Variants in SHANK2 observed in about 807,000 individuals in gnomAD.
The protein encoded by SHANK2 is SH3 and multiple ankyrin repeat domains protein 2.
Under a neutral mutation model 133.7 loss-of-function variants are expected in SHANK2, and 43 were observed. That is an observed-to-expected ratio of 0.32 (90% confidence interval 0.25 to 0.41). The LOEUF is 0.41. Ranked by LOEUF, SHANK2 falls within the 10% of genes least tolerant of loss-of-function variation. SHANK2 has a pLI of 1.00. For synonymous variants in SHANK2, 1,017 were observed against 952.8 expected (o/e 1.07, Z -1.24); for missense variants, 1,994 against 2,235.8 (o/e 0.89, Z 2.18).
At chr11:70,802,820 G>A (rs1181862118) in intron 13 of SHANK2, among the ~76,000 whole-genome samples, 3 of 152,194 alleles carry the variant, frequency 2.0e-5, no homozygotes, top group Non-Finnish European at 4.4e-5. Context: ...CATGGGCTTA[G>A]TTTTTTGCTT....
intron 17 of SHANK2, among the ~76,000 whole-genome samples, chr11:70,649,456 C>A (rs1032663247): frequency 6.6e-6 from 1 of 152,324 alleles, no homozygotes; most frequent in Admixed American, 6.5e-5. Context: ...ATTCCCAGGG[C>A]TGACAAACTC....
intron 17 of SHANK2, among the ~76,000 whole-genome samples, chr11:70,550,201 T>C (rs1392120929): frequency 6.6e-6 from 1 of 152,158 alleles, no homozygotes; most frequent in East Asian, 1.9e-4. Context: ...CCAGGTGTTC[T>C]GCTGCAGACC....
At chr11:70,582,074 C>T (rs1043932262) in intron 17 of SHANK2, among the ~76,000 whole-genome samples, 5 of 152,194 alleles carry the variant, frequency 3.3e-5, no homozygotes, top group Admixed American at 1.3e-4. Context: ...CTTTCCCTGC[C>T]GAAGAGCTGA....
Position 71,189,596 on chromosome 11 carries a change from C to T in SHANK2, c.-13+35101G>A, listed in dbSNP as rs1229506933. On this transcript the variant is annotated intron_variant, in intron 2 of 25. Transcript: ENST00000601538. Reference sequence around the variant, plus strand: ...TTTATTTTTTGTAGACTCAGGGTTTCTCCATGTTGCCCAGGCTGGTCTCAA... The same window carrying T: ...TTTATTTTTTGTAGACTCAGGGTTTTTCCATGTTGCCCAGGCTGGTCTCAA... Among the ~76,000 whole-genome samples the T allele has an allele frequency of 5.9e-5, 9 of 152,182 alleles. No individual in the cohort carries two copies. The East Asian group carries it at 1.7e-3, about 29-fold the overall frequency.
chr11:71,151,576 C>T (rs1952797884), intron 2 of SHANK2, among the ~76,000 whole-genome samples: 1 of 152,038 alleles, frequency 6.6e-6, no homozygotes, highest in Non-Finnish European at 1.5e-5. Context: ...AGGGAAAGAG[C>T]CCTTCTTAAG....
intron 12 of SHANK2, among the ~76,000 whole-genome samples, chr11:70,819,789 CCCTGAGGGTTAGCGCTA>C (rs368538560): frequency 6.6e-6 from 1 of 152,260 alleles, no homozygotes; most frequent in African/African-American, 2.4e-5. Flanking sequence ...GCAAGTGCTC[CCCTGAGGGTTAGCGCTA>C]CCTGAGACCA....
Position 70,469,194 on chromosome 11 carries a change from A to G in SHANK2, c.*3675T>C, listed in dbSNP as rs1359700390. The G allele has an allele frequency of 1.3e-5, 2 of 152,274 alleles. No individual in the cohort carries two copies. The highest frequency in any genetic ancestry group is 1.9e-4 in the East Asian group (1 of 5,206). The allele number at this position is 152,274 out of a possible 1,614,324, so 9.4% of individuals were successfully genotyped here. ...ACAGAAGCAGATTTTGACGTTTTGC[A>G]TAATTCTGAAATAACATGCACGTAT... On this transcript the variant is annotated 3_prime_UTR_variant, in exon 26 of 26. Coordinates refer to ENST00000601538, the MANE Select transcript of SHANK2 (RefSeq NM_012309.5).
intron 14 of SHANK2, among the ~76,000 whole-genome samples, chr11:70,702,045 C>T (rs1432531600): frequency 2.6e-5 from 4 of 151,820 alleles, no homozygotes; most frequent in African/African-American, 9.7e-5. Flanking sequence ...TCACCACCAC[C>T]ACCATCTTCT....
intron 17 of SHANK2, among the ~76,000 whole-genome samples, chr11:70,650,751 G>A (rs2061330773): frequency 6.6e-6 from 1 of 152,148 alleles, no homozygotes; most frequent in South Asian, 2.1e-4. Context: ...AAAGCCTGGA[G>A]CCAACACCAT....
chr11:70,663,751 C>T (rs897809282), intron 15 of SHANK2, among the ~76,000 whole-genome samples: 1 of 152,180 alleles, frequency 6.6e-6, no homozygotes, highest in African/African-American at 2.4e-5. Context: ...AACTGTGAGC[C>T]CCTCTTGGCT....
intron 10 of SHANK2, among the ~76,000 whole-genome samples, chr11:70,921,556 T>G (rs1436260325): frequency 6.6e-6 from 1 of 152,178 alleles, no homozygotes; most frequent in Non-Finnish European, 1.5e-5. Flanking sequence ...TGCCGAATTC[T>G]GAAATTGGGA....
intron 6 of SHANK2, among the ~76,000 whole-genome samples, chr11:71,104,462 T>C (rs567518292): frequency 6.6e-6 from 1 of 152,228 alleles, no homozygotes; most frequent in South Asian, 2.1e-4. Flanking sequence ...TGCGTATCCG[T>C]CCCTTATGCT....
intron 2 of SHANK2, among the ~76,000 whole-genome samples, chr11:71,224,270 C>G (rs1258366224): frequency 6.6e-6 from 1 of 152,132 alleles, no homozygotes; most frequent in East Asian, 1.9e-4. Flanking sequence ...CACCAGCCCA[C>G]GATCTGCCCT....
chr11:70,860,418 T>C (rs534436082), intron 11 of SHANK2, among the ~76,000 whole-genome samples: 1 of 152,284 alleles, frequency 6.6e-6, no homozygotes, highest in Admixed American at 6.5e-5. Context: ...GAAAGAACGT[T>C]TTGAAGGTGG....
intron 2 of SHANK2, among the ~76,000 whole-genome samples, chr11:71,155,548 C>A (rs1489892766): frequency 6.6e-6 from 1 of 152,196 alleles, no homozygotes; most frequent in East Asian, 1.9e-4. Context: ...CACCAGCCCC[C>A]AGTAACTGAA....
chr11:70,564,763 C>T (rs2059948066), intron 17 of SHANK2, among the ~76,000 whole-genome samples: 2 of 152,238 alleles, frequency 1.3e-5, no homozygotes, highest in Admixed American at 6.5e-5. Flanking sequence ...AACATTTAAT[C>T]TACCCTCGAT....
At chr11:70,664,006 A>G (rs1179790172) in intron 15 of SHANK2, among the ~76,000 whole-genome samples, 1 of 152,138 alleles carries the variant, frequency 6.6e-6, no homozygotes, top group Non-Finnish European at 1.5e-5. Context: ...GTGTAATAGG[A>G]TGCCTCAGGC....
intron 8 of SHANK2, among the ~76,000 whole-genome samples, chr11:71,085,776 T>TATAA (rs1270352911): frequency 4.0e-5 from 3 of 74,650 alleles, no homozygotes; most frequent in African/African-American, 1.7e-4. Context: ...TATATTATAT[T>TATAA]TATATTATAT....
intron 17 of SHANK2, among the ~76,000 whole-genome samples, chr11:70,651,100 C>A (rs2061333969): frequency 6.6e-6 from 1 of 152,238 alleles, no homozygotes; most frequent in Admixed American, 6.5e-5. Context: ...GGATTCAAAC[C>A]TGGATCATAT....
Sources: gnomAD v4.1 joint callset for allele counts (sites outside exome capture counted in the v4.1 genomes callset) on GRCh38, gnomAD v4.1.1 for gene constraint, MANE v1.5 for transcripts, NCBI Gene and HGNC (gene_info 2026-07-23, HGNC 2026-07-21) for gene names.